The following PRDM5 variants were observed in gnomAD, a reference collection of about 807,000 sequenced individuals.
The protein encoded by PRDM5 is PR/SET domain 5.
A neutral mutation model predicts 81.2 loss-of-function variants in PRDM5; 56 were observed. The observed-to-expected ratio is 0.69, with a 90% CI of 0.56 to 0.86. The LOEUF is 0.86. PRDM5 is among the 40% of genes least tolerant of loss of function. The probability of loss-of-function intolerance (pLI) is 0.00; values close to 1 mark genes in which losing one functional copy is unlikely to be tolerated. For synonymous variants in PRDM5, 267 were observed against 256.4 expected (o/e 1.04, Z -0.39); for missense variants, 697 against 770.1 (o/e 0.91, Z 1.12).
At chr4:120,871,750 A>G (rs1196125326) in intron 2 of PRDM5, among the ~76,000 whole-genome samples, 1 of 146,640 alleles carries the variant, frequency 6.8e-6, no homozygotes, top group Admixed American at 6.9e-5. Context: ...CAAATACATT[A>G]GGGTGGCTAC....
At chr4:120,763,281 C>T (rs1229032954) in intron 13 of PRDM5, among the ~76,000 whole-genome samples, 1 of 152,042 alleles carries the variant, frequency 6.6e-6, no homozygotes, top group African/African-American at 2.4e-5. Flanking sequence ...GTGAATTTTA[C>T]TGATGCAAAT....
At chr4:120,760,327 G>C (rs769125725) in intron 13 of PRDM5, among the ~76,000 whole-genome samples, 1 of 152,166 alleles carries the variant, frequency 6.6e-6, no homozygotes, top group Non-Finnish European at 1.5e-5. Flanking sequence ...TCTTAAAGCA[G>C]TTCCCAAGTG....
intron 14 of PRDM5, among the ~76,000 whole-genome samples, chr4:120,721,492 A>G (rs1738600395): frequency 6.6e-6 from 1 of 152,128 alleles, no homozygotes; most frequent in Non-Finnish European, 1.5e-5. Flanking sequence ...CAATGACAAA[A>G]ACAGCATCAG....
At chr4:120,861,099 C>T (rs189882027) in intron 2 of PRDM5, among the ~76,000 whole-genome samples, 5 of 152,146 alleles carry the variant, frequency 3.3e-5, no homozygotes, top group Non-Finnish European at 7.3e-5. Flanking sequence ...CCTGTGTCTC[C>T]TGGATTCAAG....
At chr4:120,918,627 C>T (rs976699158) in intron 1 of PRDM5, among the ~76,000 whole-genome samples, 3 of 142,834 alleles carry the variant, frequency 2.1e-5, no homozygotes, top group South Asian at 2.2e-4. Flanking sequence ...TAAGCCTTTA[C>T]GTCAGGTATT....
Position 120,799,706 on chromosome 4 carries a change from A to G in PRDM5, c.985T>C (p.Phe329Leu). The change falls in exon 9 of 16, where the codon TTT (phenylalanine) becomes CTT (leucine). Residue 329 changes from phenylalanine (F) to leucine (L), a missense_variant. Around this residue, in one of 3 missense-constraint regions of PRDM5, gnomAD observed 577 missense variants for 606.7 expected, o/e 0.95. Transcript: ENST00000264808. ...IFDCQECMKKFISANQLKRHM... is the reference protein window; with the variant it reads ...IFDCQECMKKLISANQLKRHM... The stretch of plus-strand genomic sequence containing the variant: ...CGTTTTAGCTGATTAGCTGAAATAA[A>G]TTTCTTCATACATTCTTGACAATCA... The G allele has an allele frequency of 6.2e-7, 1 of 1,612,972 alleles. No homozygotes were observed. The highest frequency in any genetic ancestry group is 1.3e-5 in the African/African-American group (1 of 75,010).
rs1452470873 is a variant in PRDM5, at chr4:120,693,484, C to A, written c.*1627G>T. On this transcript the variant is annotated 3_prime_UTR_variant, in exon 16 of 16. Coordinates refer to ENST00000264808, the MANE Select transcript of PRDM5 (RefSeq NM_018699.4). ...TTTTATAAAATACAGTCTATAATTT[C>A]AGATTCAAAATACTACATATAACTA... The A allele has an allele frequency of 1.3e-5, 2 of 152,058 alleles. No individual in the cohort carries two copies. Among genetic ancestry groups the A allele is most frequent in the African/African-American group, 2.4e-5 (1 of 41,416 alleles). 9.4% of individuals were successfully genotyped at this position (152,058 alleles called of 1,614,324 possible).
intron 14 of PRDM5, among the ~76,000 whole-genome samples, chr4:120,728,795 C>T (rs1191191299): frequency 2.0e-5 from 3 of 152,140 alleles, no homozygotes; most frequent in Non-Finnish European, 2.9e-5. Flanking sequence ...ATCCACACTA[C>T]AGAGCTTCCA....
At chr4:120,757,732 CTCTTT>C (rs941327322) in intron 13 of PRDM5, among the ~76,000 whole-genome samples, 35 of 152,032 alleles carry the variant, frequency 2.3e-4, no homozygotes, top group Middle Eastern at 3.2e-3. Flanking sequence ...TCTTTCTCTT[CTCTTT>C]TCTTTTCTTC....
At chr4:120,744,185 G>A (rs372441867) in intron 14 of PRDM5, among the ~76,000 whole-genome samples, 1 of 151,910 alleles carries the variant, frequency 6.6e-6, no homozygotes. Context: ...TGACTACTGG[G>A]TACATAACGA....
At chr4:120,857,966 C>T (rs1254770440) in intron 2 of PRDM5, among the ~76,000 whole-genome samples, 1 of 152,146 alleles carries the variant, frequency 6.6e-6, no homozygotes, top group African/African-American at 2.4e-5. Context: ...CAAAGCCAGT[C>T]AGCCAGATTT....
chr4:120,916,502 T>C lies in PRDM5; in HGVS notation c.93+6014A>G, dbSNP rs371764627. 1.2e-4 allele frequency among the ~76,000 whole-genome samples: 19 copies of C among 152,272 alleles called. No individual in the cohort carries two copies. The East Asian group carries it at 3.3e-3, about 26-fold the overall frequency. On this transcript the variant is annotated intron_variant, in intron 1 of 15. Coordinates refer to ENST00000264808, the MANE Select transcript of PRDM5 (RefSeq NM_018699.4). ...CATTTTAATTGCTCTAAAAGATCAC[T>C]GATGATCTAAAGAAACAAGAGTAAA...
At chr4:120,858,843 AT>A (rs1760214182) in intron 2 of PRDM5, among the ~76,000 whole-genome samples, 1 of 152,218 alleles carries the variant, frequency 6.6e-6, no homozygotes, top group Non-Finnish European at 1.5e-5. Flanking sequence ...TTTGTGACAA[AT>A]ATTTAAATTT....
intron 15 of PRDM5, among the ~76,000 whole-genome samples, chr4:120,699,185 TATATATATATATA>T (rs1201541073): frequency 2.1e-4 from 24 of 114,294 alleles, no homozygotes; most frequent in Non-Finnish European, 1.1e-4. Context: ...TATATATATA[TATATATATATATA>T]TATATATTTC....
rs183656443 is a variant in PRDM5 at position 120,824,366 on chromosome 4, C to T, written c.301-3021G>A. Among the ~76,000 whole-genome samples the T allele has an allele frequency of 7.9e-5, 12 of 152,264 alleles. No individual in the cohort carries two copies. The East Asian group carries it at 9.7e-4, about 12-fold the overall frequency. The stretch of plus-strand genomic sequence containing the variant: ...TCCCTTGAGCACAGTCCCTCCTGGA[C>T]GCCTTGTATATACACTTAAGATGAG... On this transcript the variant is annotated intron_variant, in intron 3 of 15. Coordinates refer to ENST00000264808, the MANE Select transcript of PRDM5 (RefSeq NM_018699.4).
chr4:120,920,977 A>G (rs988484246), intron 1 of PRDM5, among the ~76,000 whole-genome samples: 5 of 152,250 alleles, frequency 3.3e-5, no homozygotes, highest in Admixed American at 6.5e-5. Flanking sequence ...AAAATCTCAA[A>G]AGAAAGTAGG....
At chr4:120,859,209 C>CTTT (rs373788259) in intron 2 of PRDM5, among the ~76,000 whole-genome samples, 4 of 134,722 alleles carry the variant, frequency 3.0e-5, no homozygotes, top group Non-Finnish European at 4.7e-5. Flanking sequence ...ACCATGTCAA[C>CTTT]TTTTTTTTTT....
intron 1 of PRDM5, among the ~76,000 whole-genome samples, chr4:120,909,918 A>G (rs1766302927): frequency 6.6e-6 from 1 of 152,168 alleles, no homozygotes; most frequent in East Asian, 1.9e-4. Flanking sequence ...TTGTATCTCA[A>G]CTTAGCACAT....
At chr4:120,868,932 G>A (rs1483158001) in intron 2 of PRDM5, among the ~76,000 whole-genome samples, 3 of 152,006 alleles carry the variant, frequency 2.0e-5, no homozygotes, top group Admixed American at 6.6e-5. Context: ...TCATTAATAT[G>A]CAAATTGGAA....
Sources: gnomAD v4.1 joint callset for allele counts (sites outside exome capture counted in the v4.1 genomes callset) on GRCh38, gnomAD v4.1.1 for gene constraint, gnomAD v4.1.1 regional missense constraint, MANE v1.5 for transcripts, NCBI Gene and HGNC (gene_info 2026-07-23, HGNC 2026-07-21) for gene names.